RBPMS: variants seen among roughly 807,000 people sequenced by gnomAD.
RBPMS encodes RNA-binding protein with multiple splicing.
Under a neutral mutation model 26.8 loss-of-function variants are expected in RBPMS, and 7 were observed. That is an observed-to-expected ratio of 0.26 (90% CI 0.15 to 0.49). The LOEUF is 0.49. RBPMS is among the 20% of genes least tolerant of loss of function. The pLI is 0.98. For missense variants in RBPMS, 186 were observed against 250.0 expected, an observed-to-expected ratio of 0.74 and a Z score of 1.73; for synonymous variants, 96 against 93.3, an observed-to-expected ratio of 1.03 and a Z score of -0.17.
intron 1 of RBPMS, among the ~76,000 whole-genome samples, chr8:30,433,488 T>A (rs1474602755): frequency 6.6e-6 from 1 of 152,184 alleles, no homozygotes; most frequent in Non-Finnish European, 1.5e-5. Flanking sequence ...TTGGGCACCA[T>A]GGCAAAACCC....
chr8:30,475,277 T>C (rs1817566779), intron 2 of RBPMS, among the ~76,000 whole-genome samples: 2 of 152,232 alleles, frequency 1.3e-5, no homozygotes, highest in African/African-American at 2.4e-5. Flanking sequence ...ATTGAAATAT[T>C]TAATGCAGTT....
intron 5 of RBPMS, among the ~76,000 whole-genome samples, chr8:30,538,900 C>T (rs2915592): frequency 0.2 from 29,657 of 152,082 alleles, 3,162 homozygotes; most frequent in South Asian, 0.39. Context: ...ATGCCATTCA[C>T]CCTATCACAG....
rs150835710 is a variant in RBPMS, at chr8:30,555,619, G to A, written c.529-3268G>A. Among the ~76,000 whole-genome samples, 31 of 152,350 alleles carry A rather than the reference G, an allele frequency of 2.0e-4. 1 individual carries two copies. In the East Asian group the frequency reaches 6.0e-3, roughly 29 times the overall value. The stretch of plus-strand genomic sequence containing the variant: ...CACATACGTTTTCTGCACATGGCAT[G>A]AAGAAATGTGAGGGGCCGCTGCCTT... On this transcript the variant is annotated intron_variant, in intron 6 of 8. Coordinates refer to ENST00000397323, the MANE Select transcript of RBPMS (RefSeq NM_001008710.3).
At chr8:30,533,727 G>T (rs1403399840) in intron 5 of RBPMS, among the ~76,000 whole-genome samples, 1 of 152,156 alleles carries the variant, frequency 6.6e-6, no homozygotes, top group East Asian at 1.9e-4. Context: ...GTGTAGAACA[G>T]ATCCTGTGGA....
intron 4 of RBPMS, among the ~76,000 whole-genome samples, chr8:30,488,176 C>G (rs926948414): frequency 6.6e-6 from 1 of 151,914 alleles, no homozygotes; most frequent in Non-Finnish European, 1.5e-5. Flanking sequence ...ACACAGAGTA[C>G]TTAAAGAGTT....
intron 5 of RBPMS, among the ~76,000 whole-genome samples, chr8:30,519,691 G>A (rs910839012): frequency 2.0e-5 from 3 of 151,958 alleles, no homozygotes. Context: ...TAGAGATGGA[G>A]TTTAATAGAG....
chr8:30,552,367 C>T (rs1826462915), intron 6 of RBPMS: 2 of 152,024 alleles, frequency 1.3e-5, no homozygotes, highest in Non-Finnish European at 2.9e-5. Context: ...GTGAAGAAAA[C>T]CAATTGTGAC....
intron 1 of RBPMS, among the ~76,000 whole-genome samples, chr8:30,467,828 C>A (rs939361292): frequency 3.3e-5 from 5 of 152,144 alleles, no homozygotes; most frequent in African/African-American, 1.2e-4. Context: ...GAAGGAAATA[C>A]ATTTGGGCTT....
chr8:30,521,724 A>G (rs1197409773), intron 5 of RBPMS, among the ~76,000 whole-genome samples: 1 of 152,166 alleles, frequency 6.6e-6, no homozygotes, highest in African/African-American at 2.4e-5. Flanking sequence ...TAGGCTGGGT[A>G]ATATTCCAAT....
At chr8:30,524,339 G>A (rs915726118) in intron 5 of RBPMS, among the ~76,000 whole-genome samples, 1 of 152,088 alleles carries the variant, frequency 6.6e-6, no homozygotes, top group Non-Finnish European at 1.5e-5. Context: ...AAACAGTGCT[G>A]TATGAAGATT....
intron 1 of RBPMS, among the ~76,000 whole-genome samples, chr8:30,390,891 A>C (rs1184391238): frequency 6.6e-6 from 1 of 152,232 alleles, no homozygotes; most frequent in Non-Finnish European, 1.5e-5. Flanking sequence ...TATATATGAA[A>C]TAGCCTTATT....
chr8:30,542,377 T>C (rs1825473762), intron 5 of RBPMS, among the ~76,000 whole-genome samples: 1 of 152,240 alleles, frequency 6.6e-6, no homozygotes, highest in East Asian at 1.9e-4. Context: ...TGCTTATCTC[T>C]TTAGGATCAG....
At chr8:30,509,214 ATTC>A (rs1421451093) in intron 5 of RBPMS, among the ~76,000 whole-genome samples, 1 of 152,152 alleles carries the variant, frequency 6.6e-6, no homozygotes, top group Non-Finnish European at 1.5e-5. Context: ...CTACTTTCAT[ATTC>A]TTCTCCTTTG....
chr8:30,438,674 G>A (rs1812741839), intron 1 of RBPMS, among the ~76,000 whole-genome samples: 1 of 152,154 alleles, frequency 6.6e-6, no homozygotes, highest in Non-Finnish European at 1.5e-5. Flanking sequence ...CTTTGTCTTT[G>A]CAATAATGAT....
intron 1 of RBPMS, 108 bp downstream of exon 1, chr8:30,385,266 C>G (rs1002440584): frequency 2.8e-6 from 2 of 724,538 alleles, no homozygotes; most frequent in South Asian, 3.4e-5. Flanking sequence ...AGGCATGGCC[C>G]GTGCCCCGGA....
intron 1 of RBPMS, among the ~76,000 whole-genome samples, chr8:30,464,901 G>T (rs1816330766): frequency 6.6e-6 from 1 of 152,130 alleles, no homozygotes; most frequent in African/African-American, 2.4e-5. Flanking sequence ...AACCGTAAGG[G>T]CATGTACACC....
In RBPMS at chr8:30,511,625, A is replaced by ATG. The variant is rs527294454; in HGVS notation, c.397+7201_397+7202dup. On this transcript the variant is annotated intron_variant, in intron 5 of 8. Transcript: ENST00000397323. ...TGTGTATATATATATTTGTATATATATGTGTGTGTGTGTATATAGATACAC... is the reference window on the plus strand; with the variant it reads ...TGTGTATATATATATTTGTATATATATGTGTGTGTGTGTGTATATAGATACAC... Among the ~76,000 whole-genome samples, 200 of 149,292 alleles carry ATG rather than the reference A, an allele frequency of 1.3e-3. 3 individuals carry two copies. Among genetic ancestry groups the ATG allele is most frequent in the South Asian group, 0.012 (56 of 4,738 alleles).
intron 7 of RBPMS, among the ~76,000 whole-genome samples, chr8:30,561,755 T>C (rs147941937): frequency 6.6e-6 from 1 of 152,074 alleles, no homozygotes; most frequent in South Asian, 2.1e-4. Context: ...CTTGGCAATT[T>C]CAGTTGGTAG....
At chr8:30,528,231 G>T (rs565707579) in intron 5 of RBPMS, among the ~76,000 whole-genome samples, 36 of 152,062 alleles carry the variant, frequency 2.4e-4, no homozygotes, top group African/African-American at 8.2e-4. Flanking sequence ...GTGGTGGATT[G>T]TGTGTGTGGG....
Sources: allele counts gnomAD v4.1 joint callset (sites outside exome capture counted in the v4.1 genomes callset), GRCh38; gene constraint gnomAD v4.1.1; transcripts MANE v1.5; gene names NCBI Gene and HGNC (gene_info 2026-07-23, HGNC 2026-07-21).